Variants in WDR62 observed in about 807,000 individuals in gnomAD.
The protein encoded by WDR62 is WD repeat domain 62.
Under a neutral mutation model 160.6 loss-of-function variants are expected in WDR62, and 112 were observed. The observed-to-expected ratio is 0.70, with a 90% CI of 0.60 to 0.82. WDR62 has a LOEUF of 0.82. Ranked by LOEUF, WDR62 falls within the 40% of genes least tolerant of loss-of-function variation. WDR62 has a pLI of 0.00. For missense variants in WDR62, 1,819 were observed against 1,983.8 expected, an observed-to-expected ratio of 0.92 and a Z score of 1.58; for synonymous variants, 792 against 815.1, an observed-to-expected ratio of 0.97 and a Z score of 0.48.
chr19:36,092,819 C>G lies in WDR62; in HGVS notation c.2333+8C>G, dbSNP rs779904831. On this transcript the variant is annotated splice_region_variant and intron_variant, in intron 19 of 31. Coordinates refer to ENST00000401500, the MANE Select transcript of WDR62 (RefSeq NM_001083961.2). ...GCGGAGTGGCCACCCCAGGTCCTGG[C>G]AGCCCCTGCCTGTCCACCAGAGGGA... is the stretch of plus-strand genomic sequence containing the variant. 1.2e-6 allele frequency: 2 copies of G among 1,613,664 alleles called. No homozygotes were observed. The highest frequency in any genetic ancestry group is 1.7e-5 in the Admixed American group (1 of 59,990).
chr19:36,060,191 G>T, intron 3 of WDR62, 161 bp downstream of exon 3: 1 of 745,602 alleles, frequency 1.3e-6, no homozygotes. Context: ...CCGTGTGCTG[G>T]GGACACAGCA....
In WDR62 at chr19:36,103,210, G is replaced by A. The variant is rs1255767721; in HGVS notation, c.3514+3G>A. 6.2e-7 allele frequency: 1 copy of A among 1,613,554 alleles called. No homozygotes were observed. Among genetic ancestry groups the A allele is most frequent in the Middle Eastern group, 1.6e-4 (1 of 6,062 alleles). ...CCTGGAGGCCTGGCGCCCACCACGT[G>A]AGTGCCCCAGTCCCAGACGGACAGT... On this transcript the variant is annotated splice_donor_region_variant and intron_variant, in intron 29 of 31. Transcript: ENST00000401500.
At chr19:36,091,132 G>A (rs1177980084) in intron 16 of WDR62, 68 bp from the exon 17 acceptor site, 27 of 1,399,358 alleles carry the variant, frequency 1.9e-5, no homozygotes, top group Middle Eastern at 2.5e-4. Context: ...GGGGGAGGGA[G>A]GGGCCCAGGC....
chr19:36,088,951 G>C, intron 13 of WDR62, 87 bp from the exon 14 acceptor site: 1 of 1,458,206 alleles, frequency 6.9e-7, no homozygotes, highest in Admixed American at 1.7e-5. Context: ...ACAGTTGATT[G>C]ATGGCTCTTG....
intron 3 of WDR62, among the ~76,000 whole-genome samples, chr19:36,064,658 A>C (rs1166171245): frequency 6.6e-6 from 1 of 150,956 alleles, no homozygotes; most frequent in African/African-American, 2.4e-5. Flanking sequence ...GCTTGCTGCA[A>C]CCTCTGCCTC....
At chr19:36,068,793 CTT>C (rs955565278) in intron 7 of WDR62, among the ~76,000 whole-genome samples, 5 of 152,224 alleles carry the variant, frequency 3.3e-5, no homozygotes, top group African/African-American at 1.2e-4. Flanking sequence ...ATTTCTCTAT[CTT>C]TTCCCCACCT....
intron 20 of WDR62, among the ~76,000 whole-genome samples, chr19:36,095,282 A>G (rs1972888524): frequency 1.3e-5 from 2 of 152,214 alleles, no homozygotes; most frequent in Admixed American, 6.5e-5. Flanking sequence ...AGATACCCCC[A>G]GCAACTACAG....
chr19:36,073,253 TG>T (rs1971394173), intron 8 of WDR62, 88 bp from the exon 9 acceptor site: 1 of 1,268,562 alleles, frequency 7.9e-7, no homozygotes, highest in African/African-American at 1.5e-5. Flanking sequence ...GGGATGGCAT[TG>T]CCGGGGAGGC....
At chr19:36,073,729 G>A (rs1971427600) in intron 9 of WDR62, 198 bp downstream of exon 9, 1 of 669,024 alleles carries the variant, frequency 1.5e-6, no homozygotes, top group Middle Eastern at 2.4e-4. Context: ...AGGAAACCTG[G>A]AAACATCATC....
At chr19:36,110,352 TC>T in the WDR62 span, among the ~76,000 whole-genome samples, 1 of 151,936 alleles carries the variant, frequency 6.6e-6, no homozygotes, top group African/African-American at 2.4e-5. Flanking sequence ...ATGCCTGTAG[TC>T]CCAGCTACTC....
intron 7 of WDR62, chr19:36,070,414 C>G (rs1347173436): frequency 1.3e-5 from 2 of 152,136 alleles, no homozygotes; most frequent in African/African-American, 4.8e-5. Flanking sequence ...CCGTCTTGGC[C>G]TCCCACTGCG....
At position 36,067,842 on chromosome 19, in the gene WDR62, G is replaced by A. The variant is rs753669181; in HGVS notation, c.714G>A (p.Val238=). Residue 238 remains valine (V), a synonymous_variant, in exon 7 of 32, where the codon GTG becomes GTA. Transcript: ENST00000401500. ...VSTETKVTST[V]PLVGRSGILG... is the part of the protein sequence containing the mutation. ...TGTGTCTCCAGGTGACGAGCACAGT[G>A]CCCCTTGTAGGGCGCTCGGGCATCC... 6.2e-7 allele frequency: 1 copy of A among 1,614,146 alleles called. No homozygotes were observed. The highest frequency in any genetic ancestry group is 2.2e-5 in the East Asian group (1 of 44,882).
At position 36,103,970 on chromosome 19, in the gene WDR62, A is replaced by G. The variant is rs1973574618; in HGVS notation, c.4142A>G (p.Glu1381Gly). Residue 1381 changes from glutamate to glycine, a missense_variant, in exon 30 of 32, where the codon GAG becomes GGG. Glu to Gly is a moderately conservative substitution (Grantham distance 98, BLOSUM62 -2). Coordinates refer to ENST00000401500, the MANE Select transcript of WDR62 (RefSeq NM_001083961.2). ...CCTGGCGGCACTGCCTCCCTCCTGG[A>G]GCCCACCTCCGGTGAGTACAGCCCT... ...GIPGGTASLL[E>G]PTSGALGLLQ... 2.5e-6 allele frequency: 4 copies of G among 1,598,016 alleles called. No individual in the cohort carries two copies. In the East Asian group the frequency reaches 8.9e-5, roughly 36 times the overall value.
At position 36,090,431 on chromosome 19, in the gene WDR62, C is replaced by T. The variant is rs1381613833; in HGVS notation, c.1959-14C>T. ...CGGGGCCCTGTTGGCCGCAACATGC[C>T]CCTACTTCCCCAGAGTCTACAACAC... On this transcript the variant is annotated splice_polypyrimidine_tract_variant and intron_variant, in intron 15 of 31. Coordinates refer to ENST00000401500, the MANE Select transcript of WDR62 (RefSeq NM_001083961.2). 1 of 1,613,874 alleles carries T rather than the reference C, an allele frequency of 6.2e-7. No homozygotes were observed. The highest frequency in any genetic ancestry group is 8.5e-7 in the Non-Finnish European group (1 of 1,179,834).
In WDR62 at chr19:36,102,051, C is replaced by T. The variant is rs775056352; in HGVS notation, c.3120C>T (p.Pro1040=). 7.4e-6 allele frequency: 12 copies of T among 1,614,032 alleles called. No individual in the cohort carries two copies. Among genetic ancestry groups the T allele is most frequent in the African/African-American group, 2.7e-5 (2 of 74,928 alleles). ...AGPTEDELSL[P]EGPSVPSSSL... is the part of the protein sequence containing the mutation. ...CCACAGAAGATGAGCTGTCCCTGCCCGAGGGACCCAGCGTCCCCAGCAGCT... is the reference window on the plus strand; with the variant it reads ...CCACAGAAGATGAGCTGTCCCTGCCTGAGGGACCCAGCGTCCCCAGCAGCT... Residue 1040 remains proline, a synonymous_variant, in exon 26 of 32, where the codon CCC becomes CCT. Transcript: ENST00000401500.
At chr19:36,101,073 G>A (rs1973299540) in intron 23 of WDR62, 141 bp from the exon 24 acceptor site, 3 of 1,149,252 alleles carry the variant, frequency 2.6e-6, no homozygotes, top group Non-Finnish European at 3.8e-6. Flanking sequence ...GGAAGGAGGG[G>A]GCATTTGGAG....
At chr19:36,075,519 C>A (rs570970248) in intron 9 of WDR62, 1 of 152,132 alleles carries the variant, frequency 6.6e-6, no homozygotes, top group Non-Finnish European at 1.5e-5. Context: ...AATCTAAGCT[C>A]ACTGCAACCT....
intron 3 of WDR62, among the ~76,000 whole-genome samples, chr19:36,062,987 G>A (rs181111491): frequency 1.3e-3 from 190 of 151,186 alleles, no homozygotes; most frequent in African/African-American, 4.4e-3. Context: ...AGTCTCTGTC[G>A]TCAGGCTGGA....
At chr19:36,081,379 A>C (rs112297438) in intron 9 of WDR62, 54 bp from the exon 10 acceptor site, 1 of 1,344,374 alleles carries the variant, frequency 7.4e-7, no homozygotes, top group Non-Finnish European at 1.0e-6. Context: ...ATGCAACAGT[A>C]AGTCATAGTG....
Sources: gnomAD v4.1 joint callset for allele counts (sites outside exome capture counted in the v4.1 genomes callset) on GRCh38, gnomAD v4.1.1 for gene constraint, MANE v1.5 for transcripts, NCBI Gene and HGNC (gene_info 2026-07-23, HGNC 2026-07-21) for gene names.